Variants in CAST observed in about 807,000 individuals in gnomAD.
The protein encoded by CAST is MIR583 host.
In CAST, 76 loss-of-function variants were observed where a neutral mutation model predicts 119.6. The observed-to-expected ratio is 0.64, with a 90% CI of 0.53 to 0.77. The LOEUF is 0.77. Ranked by LOEUF, CAST falls within the 30% of genes least tolerant of loss-of-function variation. The pLI, the probability that CAST is intolerant of heterozygous loss-of-function variation, is 0.00. For synonymous variants in CAST, 319 were observed against 331.6 expected, an observed-to-expected ratio of 0.96 and a Z score of 0.41; for missense variants, 953 against 946.5, an observed-to-expected ratio of 1.01 and a Z score of -0.09.
the CAST span, among the ~76,000 whole-genome samples, chr5:96,290,008 A>G: frequency 6.6e-6 from 1 of 152,140 alleles, no homozygotes; most frequent in Non-Finnish European, 1.5e-5. Context: ...TTTGTTTTAT[A>G]TAGATGAAAG....
At chr5:96,651,528 C>CTCTACTGTCCT in intron 1 of CAST, among the ~76,000 whole-genome samples, 1 of 152,306 alleles carries the variant, frequency 6.6e-6, no homozygotes, top group Middle Eastern at 3.4e-3. Flanking sequence ...CCTTTGTAAG[C>CTCTACTGTCCT]TTCGCATCTC....
chr5:96,139,185 C>A, the CAST span, among the ~76,000 whole-genome samples: 1 of 151,750 alleles, frequency 6.6e-6, no homozygotes, highest in Admixed American at 6.6e-5. Context: ...GATTTCTTGC[C>A]ATATCTACAT....
chr5:96,481,712 T>C, the CAST span, among the ~76,000 whole-genome samples: 1 of 152,100 alleles, frequency 6.6e-6, no homozygotes, highest in Non-Finnish European at 1.5e-5. Flanking sequence ...AAAAGGGAAA[T>C]AAGTGGGAAA....
the CAST span, among the ~76,000 whole-genome samples, chr5:96,366,701 A>G: frequency 6.6e-6 from 1 of 152,156 alleles, no homozygotes; most frequent in Non-Finnish European, 1.5e-5. Context: ...GTACTTCTCT[A>G]CACTGATTAT....
chr5:96,085,896 C>T, the CAST span, among the ~76,000 whole-genome samples: 1 of 152,180 alleles, frequency 6.6e-6, no homozygotes, highest in Non-Finnish European at 1.5e-5. Context: ...TTGGCAATGT[C>T]TCTGGATTTC....
At chr5:96,136,206 G>A in the CAST span, among the ~76,000 whole-genome samples, 1 of 152,124 alleles carries the variant, frequency 6.6e-6, no homozygotes, top group African/African-American at 2.4e-5. Flanking sequence ...TAGAGCAGTG[G>A]ATGTTAATTT....
chr5:95,963,505 A>G, the CAST span, among the ~76,000 whole-genome samples: 1 of 152,224 alleles, frequency 6.6e-6, no homozygotes, highest in African/African-American at 2.4e-5. Context: ...TGCTAATTTC[A>G]TTTACTTTAG....
chr5:96,602,065 C>A (rs1747164084), intron 1 of CAST, among the ~76,000 whole-genome samples: 1 of 152,130 alleles, frequency 6.6e-6, no homozygotes, highest in African/African-American at 2.4e-5. Flanking sequence ...CCTGACTTAC[C>A]CACTCTGAAC....
chr5:96,054,119 A>G, the CAST span, among the ~76,000 whole-genome samples: 1 of 151,938 alleles, frequency 6.6e-6, no homozygotes, highest in Non-Finnish European at 1.5e-5. Context: ...AGCACTTATT[A>G]TTGTTGTTTT....
the CAST span, among the ~76,000 whole-genome samples, chr5:96,255,939 T>C: frequency 6.6e-6 from 1 of 152,120 alleles, no homozygotes; most frequent in East Asian, 1.9e-4. Flanking sequence ...AATAAAGTCT[T>C]TGGGACCCTC....
the CAST span, among the ~76,000 whole-genome samples, chr5:96,475,285 C>A: frequency 3.3e-5 from 5 of 152,210 alleles, no homozygotes; most frequent in Non-Finnish European, 5.9e-5. Context: ...CCCATGGTAG[C>A]ATCTTCATCG....
the CAST span, among the ~76,000 whole-genome samples, chr5:96,181,127 G>A: frequency 6.6e-6 from 1 of 152,092 alleles, no homozygotes; most frequent in Non-Finnish European, 1.5e-5. Context: ...ATTCACAACA[G>A]GAAACATGCT....
the CAST span, among the ~76,000 whole-genome samples, chr5:96,279,946 T>C: frequency 6.6e-6 from 1 of 152,322 alleles, no homozygotes; most frequent in East Asian, 1.9e-4. Flanking sequence ...ACTGCACCAT[T>C]TTTTTAAAGC....
chr5:96,163,939 A>G, the CAST span, among the ~76,000 whole-genome samples: 4 of 152,194 alleles, frequency 2.6e-5, no homozygotes, highest in East Asian at 1.9e-4. Context: ...CAATGGGCAC[A>G]TTACTTAGTA....
At chr5:95,987,551 T>C in the CAST span, among the ~76,000 whole-genome samples, 1 of 152,260 alleles carries the variant, frequency 6.6e-6, no homozygotes, top group Non-Finnish European at 1.5e-5. Context: ...ACAGCCAGTG[T>C]TGAGAACCAC....
intron 2 of CAST, among the ~76,000 whole-genome samples, chr5:96,686,534 G>A (rs1752103773): frequency 6.6e-6 from 1 of 152,120 alleles, no homozygotes; most frequent in African/African-American, 2.4e-5. Context: ...TTTCCAGAGG[G>A]ATGGGGGCTG....
chr5:96,740,548 C>A (rs997272034), intron 12 of CAST, among the ~76,000 whole-genome samples, 197 bp from the exon 13 acceptor site: 14 of 152,106 alleles, frequency 9.2e-5, no homozygotes, highest in Admixed American at 2.6e-4. Context: ...AGGGCCCACC[C>A]TAATGACCTC....
chr5:96,720,774 A>C (rs190681324), intron 3 of CAST, among the ~76,000 whole-genome samples: 10 of 152,368 alleles, frequency 6.6e-5, no homozygotes, highest in African/African-American at 2.4e-4. Flanking sequence ...TGGACAATTC[A>C]AGGCAATGTG....
chr5:95,987,634 T>C, the CAST span, among the ~76,000 whole-genome samples: 50 of 152,268 alleles, frequency 3.3e-4, no homozygotes, highest in African/African-American at 1.2e-3. Context: ...TACTTATTAG[T>C]TGTAAATCTG....
Sources: gnomAD v4.1 joint callset for allele counts (sites outside exome capture counted in the v4.1 genomes callset) on GRCh38, gnomAD v4.1.1 for gene constraint, MANE v1.5 for transcripts, NCBI Gene and HGNC (gene_info 2026-07-23, HGNC 2026-07-21) for gene names.